RIPOR1: variants seen among roughly 807,000 people sequenced by gnomAD.
The protein encoded by RIPOR1 is rho family-interacting cell polarization regulator 1.
A neutral mutation model predicts 116.5 loss-of-function variants in RIPOR1; 58 were observed. The observed-to-expected ratio is 0.50, with a 90% confidence interval of 0.40 to 0.62. The LOEUF (loss-of-function observed/expected upper bound fraction) is 0.62, where lower values mean the gene tolerates loss of function less well. Among genes scored for constraint, RIPOR1 ranks in the 20% least tolerant of loss-of-function variants. The pLI is 0.00. For synonymous variants in RIPOR1, 605 were observed against 650.0 expected, an observed-to-expected ratio of 0.93 and a Z score of 1.05; for missense variants, 1,372 against 1,586.2, an observed-to-expected ratio of 0.86 and a Z score of 2.29.
At position 67,545,769 on chromosome 16, in the gene RIPOR1, G is replaced by A; in HGVS notation, c.3296G>A (p.Ser1099Asn). Residue 1099 changes from serine to asparagine, a missense_variant, in exon 19 of 22, where the codon AGC becomes AAC. Coordinates refer to ENST00000042381, the MANE Select transcript of RIPOR1 (RefSeq NM_024519.4). This position sits in a 1 kb window ranked among gnomAD's most constrained non-coding sequence, Gnocchi z 4.8. Reference protein sequence around the residue: ...RLRRDGLRALSSLLVHGNNKV... With the variant: ...RLRRDGLRALNSLLVHGNNKV... Reference sequence around the variant, plus strand: ...CGAAGGGACGGGCTGCGGGCCCTCAGCTCCCTGCTCGTCCATGGCAACAAC... The same window carrying A: ...CGAAGGGACGGGCTGCGGGCCCTCAACTCCCTGCTCGTCCATGGCAACAAC... 6.2e-7 allele frequency: 1 copy of A among 1,612,770 alleles called. No homozygotes were observed. The highest frequency in any genetic ancestry group is 8.5e-7 in the Non-Finnish European group (1 of 1,179,448).
chr16:67,522,191 A>AT (rs34835336), intron 1 of RIPOR1, among the ~76,000 whole-genome samples: 3,212 of 71,212 alleles, frequency 0.045, 400 homozygotes, highest in Non-Finnish European at 0.054. Context: ...CCACGCCCAG[A>AT]TTTTTTTTTT....
In RIPOR1 at chr16:67,544,405, C is replaced by T; in HGVS notation, c.2707C>T (p.Leu903=). Residue 903 remains leucine, a synonymous_variant, in exon 15 of 22, where the codon CTG becomes TTG. Coordinates refer to ENST00000042381, the MANE Select transcript of RIPOR1 (RefSeq NM_024519.4). The surrounding 1 kb of genome is among the most constrained non-coding windows in gnomAD (Gnocchi z 5.1). ...PALDAALVRH[L]YHCSRLLLKL... is the part of the protein sequence containing the mutation. ...TCTGGATGCTGCCTTGGTCCGGCAC[C>T]TGTACCACTGCAGTCGCCTCCTGCT... The T allele has an allele frequency of 6.2e-7, 1 of 1,612,302 alleles. No homozygotes were observed. The highest frequency in any genetic ancestry group is 8.5e-7 in the Non-Finnish European group (1 of 1,179,636).
rs1297387142 is a variant in RIPOR1, at chr16:67,540,185, G to A, written c.547G>A (p.Gly183Arg). 1.2e-6 allele frequency: 2 copies of A among 1,614,016 alleles called. No individual in the cohort carries two copies. Among genetic ancestry groups the A allele is most frequent in the Non-Finnish European group, 8.5e-7 (1 of 1,180,000 alleles). Residue 183 changes from glycine to arginine, a missense_variant, in exon 7 of 22, where the codon GGG (glycine) becomes AGG (arginine). By Grantham distance (125) the Gly-to-Arg change is moderately radical (BLOSUM62 -2). Transcript: ENST00000042381. This position sits in a 1 kb window ranked among gnomAD's most constrained non-coding sequence, Gnocchi z 4.7. ...GGACAGCCTGGCAGAGGCCACTCGG[G>A]GGCATCGCGAGTACACGGAGGTGAG... ...ARDSLAEATRGHREYTESMCL... is the reference protein window; with the variant it reads ...ARDSLAEATRRHREYTESMCL...
rs560701112 is a variant in RIPOR1, at chr16:67,531,328, C to T, written c.-24+2414C>T. On this transcript the variant is annotated intron_variant, in intron 1 of 21. Coordinates refer to ENST00000042381, the MANE Select transcript of RIPOR1 (RefSeq NM_024519.4). The surrounding 1 kb of genome is among the most constrained non-coding windows in gnomAD (Gnocchi z 4.2). Reference sequence around the variant, plus strand: ...GCCCAGCTTCCCCCACTGTTCCCCCCCTTCATCTCCCAGGTGCTACAGGAC... The same window carrying T: ...GCCCAGCTTCCCCCACTGTTCCCCCTCTTCATCTCCCAGGTGCTACAGGAC... Among the ~76,000 whole-genome samples, 4 of 151,960 alleles carry T rather than the reference C, an allele frequency of 2.6e-5. No individual in the cohort carries two copies. Among genetic ancestry groups the T allele is most frequent in the East Asian group, 1.9e-4 (1 of 5,152 alleles).
intron 1 of RIPOR1, 39 bp downstream of exon 1, chr16:67,528,953 C>T: frequency 5.4e-6 from 1 of 184,740 alleles, no homozygotes; most frequent in Non-Finnish European, 1.2e-5. Context: ...GCAGGCCGGG[C>T]GGGGAGCAGG....
chr16:67,523,139 C>T (rs2050508613), intron 1 of RIPOR1, among the ~76,000 whole-genome samples: 2 of 152,156 alleles, frequency 1.3e-5, no homozygotes, highest in African/African-American at 4.8e-5. Context: ...TGATGCCAGG[C>T]GCATAGCACA....
chr16:67,529,971 A>G lies in RIPOR1; in HGVS notation c.-24+1057A>G. ...TGGTATTGGAGGGAGGAGAGGAATG[A>G]TAATTGGGGGCTGAGGTACAAAATA... On this transcript the variant is annotated intron_variant, in intron 1 of 21. Coordinates refer to ENST00000042381, the MANE Select transcript of RIPOR1 (RefSeq NM_024519.4). The surrounding 1 kb of genome is among the most constrained non-coding windows in gnomAD (Gnocchi z 4.1). 1.3e-6 allele frequency: 1 copy of G among 754,138 alleles called. No homozygotes were observed. The highest frequency in any genetic ancestry group is 2.0e-5 in the Admixed American group (1 of 49,536). The allele number at this position is 754,138 out of a possible 1,614,324, so 46.7% of individuals were successfully genotyped here.
Position 67,538,837 on chromosome 16 carries a change from T to C in RIPOR1, c.257+13T>C. The C allele has an allele frequency of 6.2e-7, 1 of 1,612,550 alleles. No homozygotes were observed. ...AGCGGGGCCTGACGTGAGCAGCTCC[T>C]CTGTTCCCAGCCCTGTCCCGGGATC... On this transcript the variant is annotated intron_variant, in intron 3 of 21. Transcript: ENST00000042381.
chr16:67,544,540 C>T lies in RIPOR1; in HGVS notation c.2733+109C>T. The T allele has an allele frequency of 6.5e-7, 1 of 1,529,650 alleles. No individual in the cohort carries two copies. The highest frequency in any genetic ancestry group is 8.9e-7 in the Non-Finnish European group (1 of 1,128,578). 94.8% of individuals were successfully genotyped at this position (1,529,650 alleles called of 1,614,324 possible). A position where few individuals can be genotyped will look rare whatever the true frequency, so the allele number is the denominator to read the frequency against. On this transcript the variant is annotated intron_variant, in intron 15 of 21. Coordinates refer to ENST00000042381, the MANE Select transcript of RIPOR1 (RefSeq NM_024519.4). This position sits in a 1 kb window ranked among gnomAD's most constrained non-coding sequence, Gnocchi z 5.1. Reference sequence around the variant, plus strand: ...CTCCTCTGAGTGCCACACCCCAGTGCCCCAGGGCCCTTGGCATCTGGCCCT... The same window carrying T: ...CTCCTCTGAGTGCCACACCCCAGTGTCCCAGGGCCCTTGGCATCTGGCCCT...
intron 1 of RIPOR1, among the ~76,000 whole-genome samples, chr16:67,522,534 A>G (rs866296246): frequency 4.0e-5 from 6 of 151,430 alleles, no homozygotes; most frequent in Middle Eastern, 3.4e-3. Context: ...ACGGGGTTTC[A>G]CCATATTGGC....
chr16:67,538,025 C>G (rs1017558216), intron 1 of RIPOR1: 1 of 209,560 alleles, frequency 4.8e-6, no homozygotes, highest in African/African-American at 2.3e-5. Flanking sequence ...GCTCCGGGTG[C>G]CCTGGGGGGG....
At chr16:67,534,835 C>CTTGTTTTTTTTTTTT (rs2050751616) in intron 1 of RIPOR1, among the ~76,000 whole-genome samples, 1 of 79,022 alleles carries the variant, frequency 1.3e-5, no homozygotes, top group African/African-American at 5.3e-5. Flanking sequence ...TTCTTTTTTT[C>CTTGTTTTTTTTTTTT]TTTTTTTTTT....
chr16:67,521,205 G>A (rs1419353924), intron 1 of RIPOR1, among the ~76,000 whole-genome samples: 1 of 152,186 alleles, frequency 6.6e-6, no homozygotes, highest in Admixed American at 6.5e-5. Context: ...CCTTGAGCTG[G>A]CGGTATTTTG....
intron 1 of RIPOR1, 127 bp from the exon 2 acceptor site, chr16:67,538,297 C>A: frequency 7.5e-7 from 1 of 1,327,996 alleles, no homozygotes; most frequent in Non-Finnish European, 1.0e-6. Flanking sequence ...TAGGCGGACC[C>A]GGCCGGAGCC....
upstream of RIPOR1, among the ~76,000 whole-genome samples, chr16:67,527,640 G>A (rs1158579798): frequency 6.6e-6 from 1 of 152,022 alleles, no homozygotes; most frequent in Non-Finnish European, 1.5e-5. Context: ...ACTTTGGGAG[G>A]CCAAGGCGGG....
chr16:67,541,051 T>C lies in RIPOR1; in HGVS notation c.801+347T>C, dbSNP rs1323844699. 6.6e-6 allele frequency among the ~76,000 whole-genome samples: 1 copy of C among 151,946 alleles called. No individual in the cohort carries two copies. The highest frequency in any genetic ancestry group is 1.5e-5 in the Non-Finnish European group (1 of 67,978). The stretch of plus-strand genomic sequence containing the variant: ...GCTGCTTCAAGCATCCATGGCTCCA[T>C]GAGCATGCATGTGTCTGTCTATCTA... On this transcript the variant is annotated intron_variant, in intron 10 of 21. Transcript: ENST00000042381. This position sits in a 1 kb window ranked among gnomAD's most constrained non-coding sequence, Gnocchi z 4.6.
At position 67,530,439 on chromosome 16, in the gene RIPOR1, G is replaced by A. The variant is rs2050629602; in HGVS notation, c.-24+1525G>A. On this transcript the variant is annotated intron_variant, in intron 1 of 21. Transcript: ENST00000042381. The surrounding 1 kb of genome is among the most constrained non-coding windows in gnomAD (Gnocchi z 4.5). ...ATGACGTCAGCCGCCGGGTTTGGGG[G>A]CAGTTGCCATGGAGACAAGGACAGG... Among the ~76,000 whole-genome samples the A allele has an allele frequency of 6.6e-6, 1 of 152,216 alleles. No individual in the cohort carries two copies. Among genetic ancestry groups the A allele is most frequent in the Admixed American group, 6.5e-5 (1 of 15,282 alleles).
In RIPOR1 at chr16:67,545,814, G is replaced by T; in HGVS notation, c.3341G>T (p.Ser1114Ile). The T allele has an allele frequency of 6.2e-7, 1 of 1,610,746 alleles. No individual in the cohort carries two copies. Among genetic ancestry groups the T allele is most frequent in the Non-Finnish European group, 8.5e-7 (1 of 1,178,348 alleles). Residue 1114 changes from serine to isoleucine, a missense_variant, in exon 19 of 22, where the codon AGC becomes ATC. Coordinates refer to ENST00000042381, the MANE Select transcript of RIPOR1 (RefSeq NM_024519.4). This position sits in a 1 kb window ranked among gnomAD's most constrained non-coding sequence, Gnocchi z 4.8. ...HGNNKVMAAV[S>I]TQLRSLSLGP... ...AACAACAAGGTCATGGCTGCTGTCA[G>T]CACCCAGCTCCGGAGCCTGTCACTG...
In RIPOR1 at chr16:67,543,008, C is replaced by T; in HGVS notation, c.2222C>T (p.Ala741Val). 7 of 1,561,446 alleles carry T rather than the reference C, an allele frequency of 4.5e-6. No homozygotes were observed. The highest frequency in any genetic ancestry group is 6.1e-6 in the Non-Finnish European group (7 of 1,155,008). The change falls in exon 13 of 22, where the codon GCC becomes GTC. Residue 741 changes from alanine to valine, a missense_variant. Ala to Val is a moderately conservative substitution (Grantham distance 64). Transcript: ENST00000042381. This position sits in a 1 kb window ranked among gnomAD's most constrained non-coding sequence, Gnocchi z 4.7. ...AGTAGGAAACCCCTCACAAGCCCTG[C>T]CCCAGATCCCTCAGAGTCTACGGTT... Reference protein sequence around the residue: ...HSSRKPLTSPAPDPSESTVQS... With the variant: ...HSSRKPLTSPVPDPSESTVQS...
Sources: allele counts gnomAD v4.1 joint callset (sites outside exome capture counted in the v4.1 genomes callset), GRCh38; gene constraint gnomAD v4.1.1; non-coding constraint Gnocchi (gnomAD v3.1); transcripts MANE v1.5; gene names NCBI Gene and HGNC (gene_info 2026-07-23, HGNC 2026-07-21).